Variants in ZMYM2 observed in about 807,000 individuals in gnomAD.
ZMYM2 encodes zinc finger MYM-type protein 2.
ZMYM2 carries 56 observed loss-of-function variants against 162.8 expected under a neutral mutation model. That is an observed-to-expected ratio of 0.34 (90% confidence interval 0.28 to 0.43). The LOEUF is 0.43. ZMYM2 is among the 20% of genes least tolerant of loss of function. ZMYM2 has a pLI of 1.00. For missense variants in ZMYM2, 1,275 were observed against 1,621.8 expected, an observed-to-expected ratio of 0.79 and a Z score of 3.67; for synonymous variants, 510 against 541.6, an observed-to-expected ratio of 0.94 and a Z score of 0.81.
At chr13:19,987,572 CGTGTGTGTGTGTGT>C (rs36128018) in intron 2 of ZMYM2, among the ~76,000 whole-genome samples, 1 of 133,242 alleles carries the variant, frequency 7.5e-6, no homozygotes, top group East Asian at 2.3e-4. Context: ...CGCCCCGCTA[CGTGTGTGTGTGTGT>C]GTGTGTGTGT....
At chr13:19,894,348 GTT>G in the ZMYM2 span, among the ~76,000 whole-genome samples, 2 of 141,850 alleles carry the variant, frequency 1.4e-5, no homozygotes, top group African/African-American at 2.6e-5. Context: ...TGGATATCTT[GTT>G]TTTTTTTTTT....
chr13:20,064,373 T>C lies in ZMYM2; in HGVS notation c.3038-78T>C, dbSNP rs535673620. ...TGTATGAATGCTGGTTTACATCCTGTGGTTAGTTCTTTGTTGGCTGTGTTT... is the reference window on the plus strand; with the variant it reads ...TGTATGAATGCTGGTTTACATCCTGCGGTTAGTTCTTTGTTGGCTGTGTTT... On this transcript the variant is annotated intron_variant, in intron 18 of 24. Coordinates refer to ENST00000610343, the MANE Select transcript of ZMYM2 (RefSeq NM_197968.4). 59 of 1,236,242 alleles carry C rather than the reference T, an allele frequency of 4.8e-5. 1 individual carries two copies. The East Asian group carries it at 1.4e-3, about 30-fold the overall frequency. 76.6% of individuals were successfully genotyped at this position (1,236,242 alleles called of 1,614,324 possible).
intron 6 of ZMYM2, among the ~76,000 whole-genome samples, chr13:20,011,782 C>T (rs1436719930): frequency 6.6e-6 from 1 of 150,666 alleles, no homozygotes; most frequent in Non-Finnish European, 1.5e-5. Context: ...TGGAGTCTTG[C>T]TCTGTTGCTC....
At chr13:20,067,050 C>T in intron 20 of ZMYM2, 31 bp downstream of exon 20, 1 of 1,540,034 alleles carries the variant, frequency 6.5e-7, no homozygotes, top group Non-Finnish European at 8.7e-7. Flanking sequence ...TCTCCTAAGT[C>T]CTATTTAAAA....
At chr13:19,970,584 T>G (rs1175613761) in intron 2 of ZMYM2, among the ~76,000 whole-genome samples, 5 of 83,384 alleles carry the variant, frequency 6.0e-5, no homozygotes, top group Admixed American at 1.9e-4. Context: ...CAGGGAGGAG[T>G]GAAAAAACCC....
intron 12 of ZMYM2, among the ~76,000 whole-genome samples, chr13:20,041,695 C>A (rs918564123): frequency 3.3e-5 from 5 of 151,984 alleles, no homozygotes; most frequent in African/African-American, 1.2e-4. Context: ...ATGGTCTTTC[C>A]ATATTTAGTG....
At chr13:20,052,968 A>G (rs1215610391) in intron 14 of ZMYM2, among the ~76,000 whole-genome samples, 1 of 152,216 alleles carries the variant, frequency 6.6e-6, no homozygotes, top group Admixed American at 6.5e-5. Flanking sequence ...GGAAATACAC[A>G]GTGTGTCCTG....
intron 7 of ZMYM2, among the ~76,000 whole-genome samples, chr13:20,021,061 T>C (rs7336162): frequency 0.98 from 149,231 of 151,824 alleles, 73,391 homozygotes; most frequent in Middle Eastern, 1. Context: ...CTGCAAGCTC[T>C]GCCTTCCAGG....
chr13:19,868,773 CAG>C, the ZMYM2 span, among the ~76,000 whole-genome samples: 2 of 152,056 alleles, frequency 1.3e-5, no homozygotes, highest in African/African-American at 4.8e-5. Context: ...ATTTTTGAGA[CAG>C]AATCTTATTC....
At position 20,066,983 on chromosome 13, in the gene ZMYM2, G is replaced by C. The variant is rs371034388; in HGVS notation, c.3265G>C (p.Asp1089His). Residue 1089 changes from aspartate (D) to histidine (H), a missense_variant, in exon 20 of 25, where the codon GAT (aspartate) becomes CAT (histidine). Physicochemically the swap from Asp to His is moderately conservative, Grantham distance 81 (BLOSUM62 -1). This residue lies in a region of ZMYM2 where 229 missense variants were observed against 283.8 expected (regional missense o/e 0.81). Coordinates refer to ENST00000610343, the MANE Select transcript of ZMYM2 (RefSeq NM_197968.4). ...ACACTGGGTCAAAACTAGGCAACTT[G>C]ATGAAGATCTTCTGGTATTAGATGA... ...WKHWVKTRQLDEDLLVLDELK... is the reference protein window; with the variant it reads ...WKHWVKTRQLHEDLLVLDELK... 1.2e-6 allele frequency: 2 copies of C among 1,611,838 alleles called. No individual in the cohort carries two copies. The highest frequency in any genetic ancestry group is 1.7e-6 in the Non-Finnish European group (2 of 1,179,034).
At chr13:20,063,207 A>C (rs1956361918) in intron 18 of ZMYM2, among the ~76,000 whole-genome samples, 1 of 152,034 alleles carries the variant, frequency 6.6e-6, no homozygotes, top group Non-Finnish European at 1.5e-5. Flanking sequence ...GTTCAAGACC[A>C]GCCTGGGCAA....
chr13:19,970,792 A>T (rs1161795082), intron 2 of ZMYM2, among the ~76,000 whole-genome samples: 1 of 152,180 alleles, frequency 6.6e-6, no homozygotes, highest in Non-Finnish European at 1.5e-5. Context: ...ATCAACAAAC[A>T]TAACTACAAA....
Position 20,031,406 on chromosome 13 carries a change from T to C in ZMYM2, c.1939T>C (p.Cys647Arg), listed in dbSNP as rs756207787. Residue 647 changes from cysteine (C) to arginine (R), a missense_variant, in exon 10 of 25, where the codon TGT (cysteine) becomes CGT (arginine). By Grantham distance (180) the Cys-to-Arg change is radical. Around this residue, in one of 10 missense-constraint regions of ZMYM2, gnomAD observed 276 missense variants for 311.8 expected, o/e 0.89. Coordinates refer to ENST00000610343, the MANE Select transcript of ZMYM2 (RefSeq NM_197968.4). ...ATGCAACTACTGCAAAAATTCCTTTTGTTCAAAACCAGAAATCCTGGAATG... is the reference window on the plus strand; with the variant it reads ...ATGCAACTACTGCAAAAATTCCTTTCGTTCAAAACCAGAAATCCTGGAATG... ...LKCNYCKNSF[C>R]SKPEILEWEN... The C allele has an allele frequency of 1.9e-6, 3 of 1,606,740 alleles. No homozygotes were observed. Among genetic ancestry groups the C allele is most frequent in the Non-Finnish European group, 1.7e-6 (2 of 1,177,652 alleles).
the ZMYM2 span, among the ~76,000 whole-genome samples, chr13:19,917,727 C>A: frequency 6.6e-6 from 1 of 152,074 alleles, no homozygotes; most frequent in African/African-American, 2.4e-5. Context: ...GTTGTCTCCA[C>A]TGTGCTCTCC....
chr13:19,962,008 A>G (rs1406747963), intron 2 of ZMYM2, among the ~76,000 whole-genome samples: 1 of 152,104 alleles, frequency 6.6e-6, no homozygotes, highest in Non-Finnish European at 1.5e-5. Flanking sequence ...GTTCCCTCCC[A>G]CCTATCCTTT....
intron 3 of ZMYM2, among the ~76,000 whole-genome samples, chr13:19,997,653 G>A (rs868362833): frequency 1.5e-4 from 23 of 151,968 alleles, no homozygotes; most frequent in Middle Eastern, 3.4e-3. Context: ...TAACCTTGCC[G>A]CTTAAATGTG....
At chr13:20,052,344 G>A (rs1451862943) in intron 14 of ZMYM2, 33 bp downstream of exon 14, 6 of 1,549,976 alleles carry the variant, frequency 3.9e-6, no homozygotes, top group South Asian at 3.7e-5. Flanking sequence ...GCTGAATTGT[G>A]ATTTTTGTAA....
chr13:19,891,056 A>G, the ZMYM2 span, among the ~76,000 whole-genome samples: 1 of 151,566 alleles, frequency 6.6e-6, no homozygotes, highest in African/African-American at 2.4e-5. Flanking sequence ...TATGGATTGT[A>G]TCTCCCCCAA....
intron 4 of ZMYM2, among the ~76,000 whole-genome samples, chr13:20,003,807 C>T (rs1467203160): frequency 6.6e-6 from 1 of 152,072 alleles, no homozygotes; most frequent in Admixed American, 6.5e-5. Context: ...CGCCACCATG[C>T]CCAGCTAATT....
Sources: allele counts gnomAD v4.1 joint callset (sites outside exome capture counted in the v4.1 genomes callset), GRCh38; gene constraint gnomAD v4.1.1; regional missense constraint gnomAD v4.1.1; transcripts MANE v1.5; gene names NCBI Gene and HGNC (gene_info 2026-07-23, HGNC 2026-07-21).